Variants in DNAJC1 observed in about 807,000 individuals in gnomAD.
DNAJC1 encodes DnaJ heat shock protein family (Hsp40) member C1.
In DNAJC1, 58 loss-of-function variants were observed where a neutral mutation model predicts 76.6. The ratio of observed to expected loss-of-function variants is 0.76; its 90% CI spans 0.61 to 0.94. DNAJC1 has a LOEUF of 0.94. DNAJC1 is among the 40% of genes least tolerant of loss of function. The pLI is 0.00. For synonymous variants in DNAJC1, 258 were observed against 267.9 expected (o/e 0.96, Z 0.36); for missense variants, 689 against 677.3 (o/e 1.02, Z -0.19).
rs1437328005 is a variant in DNAJC1 at position 21,882,361 on chromosome 10, T to C, written c.899A>G (p.Asp300Gly). 1.2e-6 allele frequency: 2 copies of C among 1,600,148 alleles called. No individual in the cohort carries two copies. The highest frequency in any genetic ancestry group is 2.7e-5 in the African/African-American group (2 of 74,018). Residue 300 changes from aspartate (D) to glycine (G), a missense_variant, in exon 8 of 12, where the codon GAT (aspartate) becomes GGT (glycine). Coordinates refer to ENST00000376980, the MANE Select transcript of DNAJC1 (RefSeq NM_022365.4). ...PLETTYIQSY[D>G]HGTSIEEIEE... is the part of the protein sequence containing the mutation. ...AATTTCTTCTATGGAAGTTCCATGA[T>C]CATAAGACTGAATATATGTAGTTTC...
intron 1 of DNAJC1, among the ~76,000 whole-genome samples, chr10:21,979,779 C>T (rs892306820): frequency 4.6e-5 from 7 of 150,868 alleles, no homozygotes; most frequent in Admixed American, 4.6e-4. Flanking sequence ...ATGGATAAAA[C>T]GATTATCAAG....
chr10:21,845,865 A>C (rs1478646105), intron 8 of DNAJC1, among the ~76,000 whole-genome samples: 1 of 152,174 alleles, frequency 6.6e-6, no homozygotes, highest in Admixed American at 6.5e-5. Flanking sequence ...ATATGCCCCC[A>C]GGAAGAAGTA....
intron 9 of DNAJC1, among the ~76,000 whole-genome samples, chr10:21,800,868 CATAG>C (rs1323770136): frequency 6.6e-6 from 1 of 150,990 alleles, no homozygotes; most frequent in Non-Finnish European, 1.5e-5. Context: ...TTGCTATGAA[CATAG>C]AGTTTTATCA....
chr10:21,817,036 T>C (rs1028211108), intron 8 of DNAJC1, among the ~76,000 whole-genome samples: 8 of 149,376 alleles, frequency 5.4e-5, no homozygotes, highest in African/African-American at 2.0e-4. Flanking sequence ...GGCGGGTGCC[T>C]GTAGTCCCAG....
intron 7 of DNAJC1, among the ~76,000 whole-genome samples, chr10:21,891,552 T>A (rs1157423953): frequency 1.3e-5 from 2 of 148,220 alleles, no homozygotes; most frequent in Non-Finnish European, 3.0e-5. Flanking sequence ...GAACAGCAAC[T>A]TAAAAGCAGC....
intron 3 of DNAJC1, among the ~76,000 whole-genome samples, chr10:21,925,557 T>G (rs577206129): frequency 6.6e-6 from 1 of 152,118 alleles, no homozygotes; most frequent in Admixed American, 6.5e-5. Flanking sequence ...AACTGGTGAA[T>G]AGATAAACGT....
intron 9 of DNAJC1, among the ~76,000 whole-genome samples, chr10:21,797,565 A>T (rs1256911525): frequency 6.6e-6 from 1 of 152,186 alleles, no homozygotes; most frequent in Non-Finnish European, 1.5e-5. Context: ...TTTGTTGGAA[A>T]CCTAATCCCC....
chr10:21,813,116 T>C (rs1835000716), intron 8 of DNAJC1, among the ~76,000 whole-genome samples: 1 of 141,828 alleles, frequency 7.1e-6, no homozygotes, highest in South Asian at 2.2e-4. Context: ...TATATATATA[T>C]ACAGCTTCTG....
At chr10:21,998,252 T>C (rs1055271329) in intron 1 of DNAJC1, among the ~76,000 whole-genome samples, 1 of 151,832 alleles carries the variant, frequency 6.6e-6, no homozygotes, top group African/African-American at 2.4e-5. Flanking sequence ...TAGCCAGGCA[T>C]GGTGGCAGGT....
chr10:21,963,761 A>G (rs967067698), intron 1 of DNAJC1, among the ~76,000 whole-genome samples: 1 of 152,104 alleles, frequency 6.6e-6, no homozygotes, highest in Admixed American at 6.6e-5. Flanking sequence ...TTGTCTTTAG[A>G]TAATTTTATT....
intron 5 of DNAJC1, among the ~76,000 whole-genome samples, chr10:21,919,481 T>C (rs1394472594): frequency 3.3e-5 from 5 of 151,998 alleles, no homozygotes; most frequent in Non-Finnish European, 1.5e-5. Flanking sequence ...TGGTATCTTT[T>C]TGAGTGTACT....
rs200727543 is a variant in DNAJC1, at chr10:21,868,128, C to CTTT, written c.978+14151_978+14153dup. Among the ~76,000 whole-genome samples the CTTT allele has an allele frequency of 9.8e-3, 1,206 of 123,438 alleles. 34 individuals are homozygous for CTTT. The highest frequency in any genetic ancestry group is 0.031 in the African/African-American group (1,001 of 32,592). The allele number at this position is 123,438 out of a possible 152,430, so 81.0% of individuals were successfully genotyped here. ...AACAACTGGAAACAATGAAAATATT[C>CTTT]TTTTTTTTTTTTTGAGACGGAGTTT... On this transcript the variant is annotated intron_variant, in intron 8 of 11. Transcript: ENST00000376980.
chr10:21,800,269 T>C (rs1834799484), intron 9 of DNAJC1, among the ~76,000 whole-genome samples: 1 of 152,170 alleles, frequency 6.6e-6, no homozygotes, highest in South Asian at 2.1e-4. Flanking sequence ...GTGAAAAATG[T>C]AGTGTTTGGT....
chr10:21,772,376 T>A (rs187475679), intron 9 of DNAJC1, among the ~76,000 whole-genome samples: 17 of 151,722 alleles, frequency 1.1e-4, no homozygotes, highest in Admixed American at 2.6e-4. Context: ...TGTATAGGTT[T>A]TTGATAACTA....
At chr10:21,904,693 G>T in intron 6 of DNAJC1, 81 bp from the exon 7 acceptor site, 2 of 768,948 alleles carry the variant, frequency 2.6e-6, no homozygotes, top group Non-Finnish European at 4.0e-6. Flanking sequence ...TAACTTTAAA[G>T]CATTATATTC....
intron 6 of DNAJC1, among the ~76,000 whole-genome samples, chr10:21,914,191 G>T (rs1348865490): frequency 6.6e-6 from 1 of 152,156 alleles, no homozygotes; most frequent in African/African-American, 2.4e-5. Flanking sequence ...GGAAATGTCT[G>T]ATATTAATTT....
At chr10:21,807,191 C>T (rs562081546) in intron 8 of DNAJC1, among the ~76,000 whole-genome samples, 4 of 151,924 alleles carry the variant, frequency 2.6e-5, no homozygotes, top group African/African-American at 9.7e-5. Flanking sequence ...AGGCAAATAC[C>T]TTTTCTAATC....
chr10:21,790,261 A>C (rs1197164040), intron 9 of DNAJC1, among the ~76,000 whole-genome samples: 1 of 151,764 alleles, frequency 6.6e-6, no homozygotes, highest in Non-Finnish European at 1.5e-5. Context: ...GGCATAAAAA[A>C]CCTATTTAAT....
chr10:21,952,799 G>C (rs1433152809), intron 1 of DNAJC1, among the ~76,000 whole-genome samples: 1 of 152,014 alleles, frequency 6.6e-6, no homozygotes, highest in Non-Finnish European at 1.5e-5. Context: ...ACAGGGTCTC[G>C]CATATTGCCC....
Sources: allele counts gnomAD v4.1 joint callset (sites outside exome capture counted in the v4.1 genomes callset), GRCh38; gene constraint gnomAD v4.1.1; transcripts MANE v1.5; gene names NCBI Gene and HGNC (gene_info 2026-07-23, HGNC 2026-07-21).